The following BPTF variants were observed in gnomAD, a reference collection of about 807,000 sequenced individuals.
BPTF encodes the protein nucleosome-remodeling factor subunit BPTF.
In BPTF, 18 loss-of-function variants were observed where a neutral mutation model predicts 292.5. The ratio of observed to expected loss-of-function variants is 0.06; its 90% CI spans 0.04 to 0.09. The LOEUF is 0.09. BPTF is among the 10% of genes least tolerant of loss of function. The pLI, the probability that BPTF is intolerant of heterozygous loss-of-function variation, is 1.00. For synonymous variants in BPTF, 1,225 were observed against 1,251.9 expected, an observed-to-expected ratio of 0.98 and a Z score of 0.45; for missense variants, 2,726 against 3,498.7, an observed-to-expected ratio of 0.78 and a Z score of 5.57.
intron 4 of BPTF, among the ~76,000 whole-genome samples, chr17:67,888,622 C>G (rs1476205806): frequency 6.6e-6 from 1 of 151,100 alleles, no homozygotes; most frequent in Non-Finnish European, 1.5e-5. Flanking sequence ...AATTAAATTC[C>G]AGTAGATCTC....
At chr17:67,961,434 G>A (rs575281998) in intron 24 of BPTF, among the ~76,000 whole-genome samples, 7 of 151,964 alleles carry the variant, frequency 4.6e-5, no homozygotes, top group Non-Finnish European at 7.4e-5. Context: ...ACTGAAAACT[G>A]AAATTCAAGT....
chr17:67,979,022 A>G (rs781868093), intron 27 of BPTF, among the ~76,000 whole-genome samples: 3 of 151,692 alleles, frequency 2.0e-5, no homozygotes, highest in African/African-American at 4.8e-5. Context: ...CAAAACACAA[A>G]AATTAGCCAG....
chr17:67,892,093 C>T, intron 5 of BPTF, 59 bp downstream of exon 5: 1 of 1,274,538 alleles, frequency 7.8e-7, no homozygotes. Flanking sequence ...TTAATTACCA[C>T]ACCTTAAAAA....
chr17:67,891,404 A>G (rs1035123113), intron 4 of BPTF: 11 of 152,736 alleles, frequency 7.2e-5, no homozygotes, highest in African/African-American at 2.7e-4. Context: ...ATTTATGTTT[A>G]TAAGCTCAAA....
At chr17:67,840,498 C>T (rs533306910) in intron 1 of BPTF, among the ~76,000 whole-genome samples, 1 of 151,924 alleles carries the variant, frequency 6.6e-6, no homozygotes, top group East Asian at 1.9e-4. Context: ...CCTCCGCCTC[C>T]TCCTTCCCCT....
At chr17:67,926,071 G>A (rs1191886225) in intron 15 of BPTF, among the ~76,000 whole-genome samples, 5 of 121,424 alleles carry the variant, frequency 4.1e-5, no homozygotes, top group Non-Finnish European at 8.1e-5. Context: ...GCAGTGGCAC[G>A]ATCATGGCTC....
chr17:67,905,827 T>C (rs2062147026), intron 9 of BPTF, among the ~76,000 whole-genome samples: 1 of 151,700 alleles, frequency 6.6e-6, no homozygotes. Context: ...TCCAAAACAC[T>C]GTCACATAAA....
At position 67,909,773 on chromosome 17, in the gene BPTF, C is replaced by G. The variant is rs761211252; in HGVS notation, c.2992+12C>G. The G allele has an allele frequency of 1.3e-6, 2 of 1,535,112 alleles. No homozygotes were observed. The highest frequency in any genetic ancestry group is 2.1e-5 in the Admixed American group (1 of 46,660). On this transcript the variant is annotated intron_variant, in intron 10 of 27. Transcript: ENST00000306378. The stretch of plus-strand genomic sequence containing the variant: ...GAAGAAGGACCAAGGTAAGGAGAGT[C>G]AGCTGTGGAGGGCAGCCTGGGGGTG...
At chr17:67,883,890 C>G (rs879628876) in intron 4 of BPTF, among the ~76,000 whole-genome samples, 5 of 152,160 alleles carry the variant, frequency 3.3e-5, no homozygotes, top group Admixed American at 6.5e-5. Context: ...TGAACCACCG[C>G]GCCCGGCTCG....
At chr17:67,962,816 G>T (rs1199289898) in intron 24 of BPTF, among the ~76,000 whole-genome samples, 1 of 152,038 alleles carries the variant, frequency 6.6e-6, no homozygotes, top group African/African-American at 2.4e-5. Context: ...TCTACACCTG[G>T]CTGACCTGCA....
At position 67,945,455 on chromosome 17, in the gene BPTF, A is replaced by C. The variant is rs782788697; in HGVS notation, c.6747A>C (p.Val2249=). ...RQSKLSPQMQ[V]HQDKTLPPAQ... ...GTAAACTGTCACCCCAGATGCAGGT[A>C]CATCAAGACAAAACCCTGCCACCAG... The change falls in exon 21 of 28, where the codon GTA becomes GTC. Residue 2249 remains valine (V), a synonymous_variant. Transcript: ENST00000306378. The C allele has an allele frequency of 3.2e-5, 52 of 1,614,134 alleles. No individual in the cohort carries two copies. The highest frequency in any genetic ancestry group is 4.3e-5 in the Non-Finnish European group (51 of 1,180,012).
At chr17:67,856,511 A>G (rs180741564) in intron 2 of BPTF, among the ~76,000 whole-genome samples, 3 of 152,234 alleles carry the variant, frequency 2.0e-5, no homozygotes, top group Admixed American at 6.5e-5. Flanking sequence ...CTCCTCATTA[A>G]CATTGTGGTA....
chr17:67,875,933 A>C (rs2145774564), intron 4 of BPTF, among the ~76,000 whole-genome samples: 1 of 152,340 alleles, frequency 6.6e-6, no homozygotes, highest in East Asian at 1.9e-4. Flanking sequence ...TTAGTGCTTG[A>C]AACTCATCAT....
chr17:67,878,681 C>CGTGTGTGT (rs61427510), intron 4 of BPTF, among the ~76,000 whole-genome samples: 2 of 149,848 alleles, frequency 1.3e-5, no homozygotes, highest in African/African-American at 4.9e-5. Context: ...TTTATGTGTT[C>CGTGTGTGT]GTGTGTGTGT....
In BPTF at chr17:67,964,277, G is replaced by C; in HGVS notation, c.8327G>C (p.Ser2776Thr). Residue 2776 changes from serine (S) to threonine (T), a missense_variant, in exon 25 of 28, where the codon AGT (serine) becomes ACT (threonine). Ser to Thr is a moderately conservative substitution (Grantham distance 58). Around this residue, in one of 22 missense-constraint regions of BPTF, gnomAD observed 48 missense variants for 114.2 expected, o/e 0.42. Transcript: ENST00000306378. The part of the protein sequence containing the change: ...YHGRCVGILQ[S>T]EAELIDEYVC... The stretch of plus-strand genomic sequence containing the variant: ...GGGCGCTGCGTTGGCATCTTGCAAA[G>C]TGAGGCAGAGCTCATTGATGAGTAT... 6.2e-7 allele frequency: 1 copy of C among 1,614,154 alleles called. No individual in the cohort carries two copies. The highest frequency in any genetic ancestry group is 8.5e-7 in the Non-Finnish European group (1 of 1,180,006).
In BPTF at chr17:67,918,832, C is replaced by T. The variant is rs1378371588; in HGVS notation, c.5422C>T (p.Arg1808Trp). 1.9e-6 allele frequency: 3 copies of T among 1,612,686 alleles called. No homozygotes were observed. The highest frequency in any genetic ancestry group is 1.1e-5 in the South Asian group (1 of 91,040). The change falls in exon 12 of 28, where the codon CGG becomes TGG. Residue 1808 changes from arginine (R) to tryptophan (W), a missense_variant. Coordinates refer to ENST00000306378, the MANE Select transcript of BPTF (RefSeq NM_182641.4). ...GGCTCCTCCAGGAGGAGGGACTACA[C>T]GGACAGGTAAGGGGGAAGGGAGTTA... ...AKAPPGGGTT[R>W]TETSETEITT...
intron 3 of BPTF, among the ~76,000 whole-genome samples, chr17:67,869,193 C>G (rs1452022668): frequency 1.3e-5 from 2 of 152,020 alleles, no homozygotes; most frequent in South Asian, 4.1e-4. Context: ...AGTACAACAA[C>G]AGAGAACCAT....
intron 1 of BPTF, among the ~76,000 whole-genome samples, chr17:67,833,608 G>A (rs962063248): frequency 2.0e-5 from 3 of 147,792 alleles, no homozygotes; most frequent in African/African-American, 5.0e-5. Context: ...GTCTCTTGTC[G>A]CCCAGGCTGG....
chr17:67,858,283 C>T (rs1428033448), intron 2 of BPTF, among the ~76,000 whole-genome samples: 2 of 152,180 alleles, frequency 1.3e-5, no homozygotes, highest in Non-Finnish European at 2.9e-5. Flanking sequence ...GCTCCCTTAC[C>T]TCCCAAACAT....
Sources: gnomAD v4.1 joint callset for allele counts (sites outside exome capture counted in the v4.1 genomes callset) on GRCh38, gnomAD v4.1.1 for gene constraint, gnomAD v4.1.1 regional missense constraint, MANE v1.5 for transcripts, NCBI Gene and HGNC (gene_info 2026-07-23, HGNC 2026-07-21) for gene names.